SPTAN1: variants seen among roughly 807,000 people sequenced by gnomAD.
SPTAN1 encodes spectrin alpha, non-erythrocytic 1, also known as spectrin alpha chain, non-erythrocytic 1.
SPTAN1 carries 61 observed loss-of-function variants against 331.3 expected under a neutral mutation model. The observed-to-expected ratio is 0.18, with a 90% confidence interval of 0.15 to 0.23. SPTAN1 has a LOEUF of 0.23. Among genes scored for constraint, SPTAN1 ranks in the 10% least tolerant of loss-of-function variants. The pLI is 1.00. For missense variants in SPTAN1, 2,043 were observed against 3,147.9 expected (o/e 0.65, Z 8.40); for synonymous variants, 1,153 against 1,173.9 (o/e 0.98, Z 0.36).
At chr9:128,610,413 G>A (rs992314514) in intron 37 of SPTAN1, among the ~76,000 whole-genome samples, 1 of 152,174 alleles carries the variant, frequency 6.6e-6, no homozygotes. Flanking sequence ...TTTCCTTCTT[G>A]GCTTTGGGAT....
chr9:128,583,655 T>C, intron 15 of SPTAN1, 133 bp from the exon 16 acceptor site: 1 of 980,000 alleles, frequency 1.0e-6, no homozygotes, highest in East Asian at 2.5e-5. Flanking sequence ...ATATTTTCTT[T>C]CTCTTTGTGA....
chr9:128,556,067 A>G (rs917876249), intron 1 of SPTAN1, among the ~76,000 whole-genome samples: 3 of 152,046 alleles, frequency 2.0e-5, no homozygotes, highest in African/African-American at 7.2e-5. Flanking sequence ...TAAAAATACA[A>G]AAAATTAGCC....
intron 39 of SPTAN1, 40 bp from the exon 40 acceptor site, chr9:128,613,341 A>C: frequency 6.4e-7 from 1 of 1,568,844 alleles, no homozygotes; most frequent in Non-Finnish European, 8.8e-7. Flanking sequence ...CTGAGTATAC[A>C]CCACACAGTA....
chr9:128,563,010 ATATATATATATATATATG>A, intron 1 of SPTAN1, among the ~76,000 whole-genome samples: 1 of 116,646 alleles, frequency 8.6e-6, no homozygotes, highest in East Asian at 3.2e-4. Context: ...ATATATATAT[ATATATATATATATATATG>A]TATATATTTT....
chr9:128,575,464 A>G (rs1029051521), intron 5 of SPTAN1, 119 bp downstream of exon 5: 5 of 1,148,292 alleles, frequency 4.4e-6, no homozygotes, highest in African/African-American at 1.5e-5. Context: ...TTTTGTAAGC[A>G]TGTCTGAGAG....
chr9:128,626,278 A>C, intron 48 of SPTAN1, 113 bp from the exon 49 acceptor site: 1 of 1,328,456 alleles, frequency 7.5e-7, no homozygotes, highest in Non-Finnish European at 1.1e-6. Flanking sequence ...CTAAGCTCCC[A>C]GCAGGCTGTG....
intron 1 of SPTAN1, among the ~76,000 whole-genome samples, chr9:128,564,531 C>T (rs1241982984): frequency 2.0e-5 from 3 of 151,892 alleles, no homozygotes; most frequent in Non-Finnish European, 4.4e-5. Flanking sequence ...TGCAGTGAGC[C>T]GTGACTGCAC....
At chr9:128,619,154 C>A in intron 44 of SPTAN1, 151 bp downstream of exon 44, 1 of 1,096,532 alleles carries the variant, frequency 9.1e-7, no homozygotes, top group Non-Finnish European at 1.3e-6. Flanking sequence ...TTTTAGCCCT[C>A]AAGATCTCAC....
Position 128,607,005 on chromosome 9 carries a change from A to G in SPTAN1, c.4047-599A>G, listed in dbSNP as rs369069640. ...AATCCTTTATCTGCTTTCTATGTCT[A>G]TGGATTTGCCTCTTCTGGACATGTC... is the stretch of plus-strand genomic sequence containing the variant. On this transcript the variant is annotated intron_variant, in intron 31 of 56. Coordinates refer to ENST00000372739, the MANE Select transcript of SPTAN1 (RefSeq NM_001130438.3). Among the ~76,000 whole-genome samples, 57 of 152,060 alleles carry G rather than the reference A, an allele frequency of 3.7e-4. 1 individual carries two copies. The South Asian group carries it at 0.012, about 32-fold the overall frequency.
At chr9:128,614,544 T>G (rs1022100529) in intron 40 of SPTAN1, among the ~76,000 whole-genome samples, 3 of 151,332 alleles carry the variant, frequency 2.0e-5, no homozygotes, top group African/African-American at 7.3e-5. Flanking sequence ...GAGCCGAGAT[T>G]GTGTAACTGT....
chr9:128,581,140 T>C, intron 11 of SPTAN1, 81 bp downstream of exon 11: 3 of 1,583,214 alleles, frequency 1.9e-6, no homozygotes, highest in Non-Finnish European at 2.6e-6. Flanking sequence ...GCTTGTTTTG[T>C]TTTAGGACAT....
rs1236462432 is a variant in SPTAN1, at chr9:128,568,681, A to T, written c.238-91A>T. 5.7e-6 allele frequency: 9 copies of T among 1,569,014 alleles called. No homozygotes were observed. In the East Asian group the frequency reaches 1.8e-4, roughly 32 times the overall value. ...TGTATCCCTAACTAGAGGGAGCAGG[A>T]TTGAGGAGGGGAGGAACACGGGGAA... On this transcript the variant is annotated intron_variant, in intron 2 of 56. Coordinates refer to ENST00000372739, the MANE Select transcript of SPTAN1 (RefSeq NM_001130438.3).
chr9:128,589,921 C>A (rs1306035365), intron 21 of SPTAN1, among the ~76,000 whole-genome samples: 10 of 152,196 alleles, frequency 6.6e-5, no homozygotes, highest in Admixed American at 6.5e-4. Context: ...CTCAGCCCAG[C>A]AGATCATTGA....
At chr9:128,585,077 C>T (rs550359608) in intron 18 of SPTAN1, among the ~76,000 whole-genome samples, 3 of 149,938 alleles carry the variant, frequency 2.0e-5, no homozygotes, top group African/African-American at 7.4e-5. Context: ...TGCAGTGGCG[C>T]GGTCTCAGCT....
chr9:128,567,715 TATCAAAA>T (rs1404703549), intron 2 of SPTAN1, among the ~76,000 whole-genome samples: 20 of 152,200 alleles, frequency 1.3e-4, no homozygotes, highest in Admixed American at 1.2e-3. Context: ...TGGTAAATCT[TATCAAAA>T]GCAAAGCCTG....
At position 128,582,867 on chromosome 9, in the gene SPTAN1, T is replaced by C. The variant is rs767974935; in HGVS notation, c.1806+18T>C. 1.1e-5 allele frequency: 18 copies of C among 1,611,406 alleles called. No individual in the cohort carries two copies. The South Asian group carries it at 1.8e-4, about 16-fold the overall frequency. On this transcript the variant is annotated intron_variant, in intron 14 of 56. Coordinates refer to ENST00000372739, the MANE Select transcript of SPTAN1 (RefSeq NM_001130438.3). ...CTTATAAAGTAATGTACTGTTAGTGTTGCCATGTAGCACTCGATTAGTAAG... is the reference window on the plus strand; with the variant it reads ...CTTATAAAGTAATGTACTGTTAGTGCTGCCATGTAGCACTCGATTAGTAAG...
rs898260847 is a variant in SPTAN1, at chr9:128,559,150, G to A, written c.-4+6454G>A. On this transcript the variant is annotated intron_variant, in intron 1 of 56. Coordinates refer to ENST00000372739, the MANE Select transcript of SPTAN1 (RefSeq NM_001130438.3). Reference sequence around the variant, plus strand: ...CTTGGCAGACCTCCCACCTACTGACGTCAGCTGATCTACTGCAGGAAAGAA... The same window carrying A: ...CTTGGCAGACCTCCCACCTACTGACATCAGCTGATCTACTGCAGGAAAGAA... 3.9e-5 allele frequency among the ~76,000 whole-genome samples: 6 copies of A among 152,236 alleles called. No homozygotes were observed. The South Asian group carries it at 8.3e-4, about 21-fold the overall frequency.
In SPTAN1 at chr9:128,583,011, G is replaced by C. The variant is rs906747496; in HGVS notation, c.1807-66G>C. The C allele has an allele frequency of 1.9e-6, 3 of 1,584,866 alleles. No homozygotes were observed. In the Admixed American group the frequency reaches 5.0e-5, roughly 26 times the overall value. ...ATTCCTCCATAAAGATAAGTATGAA[G>C]GTAGTGCAAGGGAACTTGACGTTCT... On this transcript the variant is annotated intron_variant, in intron 14 of 56. Transcript: ENST00000372739.
At chr9:128,619,388 G>A (rs1399472705) in intron 44 of SPTAN1, among the ~76,000 whole-genome samples, 1 of 152,234 alleles carries the variant, frequency 6.6e-6, no homozygotes, top group East Asian at 1.9e-4. Flanking sequence ...TTGCTTCTCA[G>A]TTCTGGAGGC....
Sources: allele counts gnomAD v4.1 joint callset (sites outside exome capture counted in the v4.1 genomes callset), GRCh38; gene constraint gnomAD v4.1.1; transcripts MANE v1.5; gene names NCBI Gene and HGNC (gene_info 2026-07-23, HGNC 2026-07-21).